Variants in SLC9A1 observed in about 807,000 individuals in gnomAD.
SLC9A1 encodes solute carrier family 9 member A1.
A neutral mutation model predicts 67.9 loss-of-function variants in SLC9A1; 22 were observed. That is an observed-to-expected ratio of 0.32 (90% CI 0.23 to 0.46). The LOEUF (loss-of-function observed/expected upper bound fraction) is 0.46. SLC9A1 is among the 20% of genes least tolerant of loss of function. The pLI is 1.00. For synonymous variants in SLC9A1, 421 were observed against 471.8 expected (o/e 0.89, Z 1.40); for missense variants, 686 against 1,094.8 (o/e 0.63, Z 5.27).
rs2083385567 is a variant in SLC9A1, at chr1:27,131,715, C to T, written c.353-17429G>A. The stretch of plus-strand genomic sequence containing the variant: ...TGATCTGAGATCGCACCACTGCACT[C>T]CAGCCTGGCAACAGAATGAGACTCT... On this transcript the variant is annotated intron_variant, in intron 1 of 11. Transcript: ENST00000263980. Among the ~76,000 whole-genome samples, 3 of 145,642 alleles carry T rather than the reference C, an allele frequency of 2.1e-5. No individual in the cohort carries two copies. The South Asian group carries it at 6.4e-4, about 31-fold the overall frequency.
intron 2 of SLC9A1, among the ~76,000 whole-genome samples, chr1:27,110,635 G>T (rs1258521993): frequency 6.6e-6 from 1 of 152,194 alleles, no homozygotes; most frequent in Non-Finnish European, 1.5e-5. Context: ...GTGGGTCAAG[G>T]ATGCTCCTTT....
rs1219783038 is a variant in SLC9A1, at chr1:27,098,961, AGAG to A, written c.*1343_*1345del. The A allele has an allele frequency of 6.5e-6, 1 of 152,694 alleles. No homozygotes were observed. Among genetic ancestry groups the A allele is most frequent in the Non-Finnish European group, 1.5e-5 (1 of 68,100 alleles). The allele number at this position is 152,694 out of a possible 1,614,324, so 9.5% of individuals were successfully genotyped here. A position where few individuals can be genotyped will look rare whatever the true frequency, so the allele number is the denominator to read the frequency against. On this transcript the variant is annotated 3_prime_UTR_variant, in exon 12 of 12. Transcript: ENST00000263980. ...TCCTGCCCAAACAGCACTTGCATGG[AGAG>A]GAGGATGGACAGATGGGCCGAGGAC...
At chr1:27,147,583 A>C (rs1333874691) in intron 1 of SLC9A1, among the ~76,000 whole-genome samples, 1 of 152,100 alleles carries the variant, frequency 6.6e-6, no homozygotes, top group Non-Finnish European at 1.5e-5. Context: ...CGGGAGGATC[A>C]TTTGAGGCCA....
Position 27,130,308 on chromosome 1 carries a change from C to T in SLC9A1, c.353-16022G>A, listed in dbSNP as rs200626595. 7.7e-4 allele frequency among the ~76,000 whole-genome samples: 117 copies of T among 152,246 alleles called. No individual in the cohort carries two copies. The East Asian group carries it at 0.016, about 21-fold the overall frequency. ...TAGTAGAGACAGGGTTTCACTATGT[C>T]GGCCAGACTGGTCTCGAACGCTTGA... On this transcript the variant is annotated intron_variant, in intron 1 of 11. Coordinates refer to ENST00000263980, the MANE Select transcript of SLC9A1 (RefSeq NM_003047.5).
chr1:27,104,748 T>C (rs753846165), intron 5 of SLC9A1, among the ~76,000 whole-genome samples: 14 of 152,112 alleles, frequency 9.2e-5, no homozygotes, highest in Non-Finnish European at 1.8e-4. Flanking sequence ...TATTTTTTTT[T>C]CTCAAGAGAA....
rs915885390 is a variant in SLC9A1, at chr1:27,118,406, T to C, written c.353-4120A>G. Among the ~76,000 whole-genome samples, 3 of 152,128 alleles carry C rather than the reference T, an allele frequency of 2.0e-5. No homozygotes were observed. Among genetic ancestry groups the C allele is most frequent in the African/African-American group, 7.2e-5 (3 of 41,418 alleles). On this transcript the variant is annotated intron_variant, in intron 1 of 11. Coordinates refer to ENST00000263980, the MANE Select transcript of SLC9A1 (RefSeq NM_003047.5). This position sits in a 1 kb window ranked among gnomAD's most constrained non-coding sequence, Gnocchi z 4.3. ...CTTCAGGAGCAACGGCTCAGGGAAG[T>C]GGGAAGCAGCCCCTGGACCTGCGCT...
chr1:27,128,938 C>T (rs1166740927), intron 1 of SLC9A1, among the ~76,000 whole-genome samples: 1 of 152,042 alleles, frequency 6.6e-6, no homozygotes, highest in South Asian at 2.1e-4. Context: ...CCAGCCTGGG[C>T]AAAAAGAGGG....
At chr1:27,133,889 C>A (rs573652165) in intron 1 of SLC9A1, among the ~76,000 whole-genome samples, 4 of 151,770 alleles carry the variant, frequency 2.6e-5, no homozygotes, top group African/African-American at 7.3e-5. Flanking sequence ...CGCAGCCTCC[C>A]GAGTAGCTGG....
intron 2 of SLC9A1, among the ~76,000 whole-genome samples, chr1:27,111,246 G>A (rs1336363887): frequency 6.6e-6 from 1 of 152,110 alleles, no homozygotes; most frequent in Non-Finnish European, 1.5e-5. Context: ...GGGTCCTCAT[G>A]GTCTACCACA....
chr1:27,112,775 T>C (rs1439094274), intron 2 of SLC9A1, among the ~76,000 whole-genome samples: 1 of 151,508 alleles, frequency 6.6e-6, no homozygotes, highest in Non-Finnish European at 1.5e-5. Context: ...TCCCAGCTAC[T>C]TGGGAGGCTG....
At position 27,135,524 on chromosome 1, in the gene SLC9A1, GGAAAA is replaced by G. The variant is rs1449426252; in HGVS notation, c.352+18454_352+18458del. Among the ~76,000 whole-genome samples the G allele has an allele frequency of 2.1e-3, 150 of 70,360 alleles. 1 individual carries two copies. Among genetic ancestry groups the G allele is most frequent in the African/African-American group, 0.01 (143 of 13,794 alleles). The allele number at this position is 70,360 out of a possible 152,430, so 46.2% of individuals were successfully genotyped here. On this transcript the variant is annotated intron_variant, in intron 1 of 11. Transcript: ENST00000263980. Reference sequence around the variant, plus strand: ...TTTTTTTTATTTCTTCCTTTTTTCTGGAAAAAAAAAAAAAAAAAAAAATCTGGAGG... The same window carrying G: ...TTTTTTTTATTTCTTCCTTTTTTCTGAAAAAAAAAAAAAAAAATCTGGAGG...
Position 27,107,717 on chromosome 1 carries a change from C to T in SLC9A1, c.1213G>A (p.Gly405Ser). Residue 405 changes from glycine (G) to serine (S), a missense_variant, in exon 4 of 12, where the codon GGC (glycine) becomes AGC (serine). Physicochemically the swap from Gly to Ser is moderately conservative, Grantham distance 56 (BLOSUM62 0). Coordinates refer to ENST00000263980, the MANE Select transcript of SLC9A1 (RefSeq NM_003047.5). ...FIFLGVSTVA[G>S]SHHWNWTFVI... ...AAGGTCCAGTTCCAGTGGTGGGAGC[C>T]GGCCACCGTGGAGACGCCGAGGAAG... 1.9e-6 allele frequency: 3 copies of T among 1,578,578 alleles called. No individual in the cohort carries two copies. Among genetic ancestry groups the T allele is most frequent in the Non-Finnish European group, 2.6e-6 (3 of 1,162,922 alleles).
At chr1:27,127,779 C>T (rs2083355805) in intron 1 of SLC9A1, among the ~76,000 whole-genome samples, 1 of 152,190 alleles carries the variant, frequency 6.6e-6, no homozygotes, top group Admixed American at 6.5e-5. Flanking sequence ...TGCACAATAC[C>T]AGCAGGATGG....
intron 1 of SLC9A1, among the ~76,000 whole-genome samples, chr1:27,129,579 T>C (rs535501075): frequency 1.4e-4 from 21 of 152,232 alleles, no homozygotes; most frequent in African/African-American, 4.8e-4. Context: ...AGTCAGAGAT[T>C]AGAAGAGGGA....
intron 1 of SLC9A1, among the ~76,000 whole-genome samples, chr1:27,124,344 A>T (rs1032050071): frequency 7.2e-5 from 11 of 152,210 alleles, no homozygotes; most frequent in Non-Finnish European, 1.6e-4. Context: ...TATACCAAAT[A>T]TCTGTTGTTC....
chr1:27,120,674 G>T (rs547241534), intron 1 of SLC9A1, among the ~76,000 whole-genome samples: 1 of 151,632 alleles, frequency 6.6e-6, no homozygotes, highest in Non-Finnish European at 1.5e-5. Context: ...TTAGGCAGAG[G>T]TTGCAGTGAG....
At chr1:27,144,689 C>T (rs531232246) in intron 1 of SLC9A1, among the ~76,000 whole-genome samples, 40 of 152,320 alleles carry the variant, frequency 2.6e-4, no homozygotes, top group African/African-American at 8.7e-4. Context: ...ATTTATGGAG[C>T]CTTTACTCTG....
intron 3 of SLC9A1, among the ~76,000 whole-genome samples, chr1:27,108,910 C>A (rs373806818): frequency 6.6e-6 from 1 of 152,184 alleles, no homozygotes; most frequent in East Asian, 1.9e-4. Flanking sequence ...CCACAGGGAG[C>A]TTTGTTCCAA....
At chr1:27,143,587 C>T (rs1369327692) in intron 1 of SLC9A1, among the ~76,000 whole-genome samples, 2 of 152,194 alleles carry the variant, frequency 1.3e-5, no homozygotes, top group African/African-American at 4.8e-5. Context: ...CATCTGAGGG[C>T]CTCACAGTCT....
Sources: allele counts gnomAD v4.1 joint callset (sites outside exome capture counted in the v4.1 genomes callset), GRCh38; gene constraint gnomAD v4.1.1; non-coding constraint Gnocchi (gnomAD v3.1); transcripts MANE v1.5; gene names NCBI Gene and HGNC (gene_info 2026-07-23, HGNC 2026-07-21).